Variants in PCDH15 observed in about 807,000 individuals in gnomAD.
PCDH15 encodes protocadherin related 15.
A neutral mutation model predicts 178.5 loss-of-function variants in PCDH15; 129 were observed. The ratio of observed to expected loss-of-function variants is 0.72; its 90% CI spans 0.63 to 0.84. The LOEUF is 0.84. PCDH15 is among the 40% of genes least tolerant of loss of function. The pLI is 0.00. For synonymous variants in PCDH15, 800 were observed against 732.0 expected (o/e 1.09, Z -1.50); for missense variants, 2,230 against 2,099.9 (o/e 1.06, Z -1.21).
At chr10:55,296,974 T>C (rs1843147951) in intron 1 of PCDH15, among the ~76,000 whole-genome samples, 1 of 152,108 alleles carries the variant, frequency 6.6e-6, no homozygotes, top group Non-Finnish European at 1.5e-5. Flanking sequence ...GGGATGTACT[T>C]TACTTTTAAA....
At chr10:55,343,244 T>A (rs1486086099) in intron 2 of PCDH15, among the ~76,000 whole-genome samples, 2 of 152,160 alleles carry the variant, frequency 1.3e-5, no homozygotes, top group African/African-American at 4.8e-5. Flanking sequence ...AAAGATGTTT[T>A]CAGTTGTGTC....
intron 3 of PCDH15, among the ~76,000 whole-genome samples, chr10:54,402,577 T>C (rs1952068481): frequency 6.6e-6 from 1 of 152,056 alleles, no homozygotes. Context: ...AGCCATTTTT[T>C]CCATGTGCTC....
chr10:54,262,297 C>T (rs554647441), intron 8 of PCDH15, among the ~76,000 whole-genome samples: 84 of 152,174 alleles, frequency 5.5e-4, no homozygotes, highest in African/African-American at 1.8e-3. Flanking sequence ...GGGAGTGAAC[C>T]GTGCCTGGCC....
intron 23 of PCDH15, among the ~76,000 whole-genome samples, chr10:53,948,076 T>G (rs1435666306): frequency 1.3e-5 from 2 of 152,112 alleles, no homozygotes; most frequent in Admixed American, 1.3e-4. Flanking sequence ...TGACTTTCGG[T>G]TTTTTACTTT....
intron 2 of PCDH15, among the ~76,000 whole-genome samples, chr10:55,461,363 A>C (rs1480881863): frequency 1.3e-5 from 2 of 152,198 alleles, no homozygotes; most frequent in African/African-American, 4.8e-5. Context: ...ACACTATTTT[A>C]GCCAGGATGG....
intron 32 of PCDH15, among the ~76,000 whole-genome samples, chr10:53,826,855 A>G (rs934570796): frequency 6.6e-6 from 1 of 152,096 alleles, no homozygotes; most frequent in Non-Finnish European, 1.5e-5. Context: ...CTGTAATTTC[A>G]TTGAGATTTT....
At chr10:54,926,320 T>G (rs1837624883) in intron 2 of PCDH15, among the ~76,000 whole-genome samples, 1 of 152,110 alleles carries the variant, frequency 6.6e-6, no homozygotes, top group African/African-American at 2.4e-5. Flanking sequence ...GTGGATAAGC[T>G]TTTTGATGTG....
chr10:54,427,160 T>C (rs1337584279), intron 3 of PCDH15, among the ~76,000 whole-genome samples: 2 of 151,570 alleles, frequency 1.3e-5, no homozygotes, highest in African/African-American at 4.8e-5. Context: ...TCTAGTATAC[T>C]CCACAGCTAT....
intron 2 of PCDH15, among the ~76,000 whole-genome samples, chr10:54,934,800 T>C (rs1362180591): frequency 6.6e-6 from 1 of 151,780 alleles, no homozygotes; most frequent in African/African-American, 2.4e-5. Context: ...TGCGGCACTA[T>C]TCACAATAGC....
intron 3 of PCDH15, among the ~76,000 whole-genome samples, chr10:54,458,112 GCTTTT>G (rs1031793677): frequency 4.4e-4 from 67 of 152,022 alleles, no homozygotes; most frequent in African/African-American, 1.5e-3. Flanking sequence ...CTTTCCATAT[GCTTTT>G]CTTTTATTAA....
chr10:54,714,438 G>A (rs1305469005), intron 1 of PCDH15, among the ~76,000 whole-genome samples: 1 of 152,152 alleles, frequency 6.6e-6, no homozygotes, highest in African/African-American at 2.4e-5. Flanking sequence ...CATATGTACA[G>A]TTTAAGCTTC....
At chr10:55,186,268 T>C (rs1359377478) in intron 1 of PCDH15, among the ~76,000 whole-genome samples, 2 of 151,572 alleles carry the variant, frequency 1.3e-5, no homozygotes, top group African/African-American at 4.8e-5. Context: ...TTCCACTCTA[T>C]GTTTTTTATT....
At chr10:54,583,949 T>A (rs2091257590) in intron 2 of PCDH15, among the ~76,000 whole-genome samples, 2 of 152,124 alleles carry the variant, frequency 1.3e-5, no homozygotes, top group Admixed American at 1.3e-4. Context: ...AATAGAAAAA[T>A]ATTTGATCTA....
intron 2 of PCDH15, among the ~76,000 whole-genome samples, chr10:54,963,915 G>A (rs1474697198): frequency 6.6e-6 from 1 of 152,284 alleles, no homozygotes; most frequent in East Asian, 1.9e-4. Context: ...CTACAGCTGA[G>A]ACAATGGTGA....
intron 2 of PCDH15, among the ~76,000 whole-genome samples, chr10:55,590,846 A>G (rs1188000120): frequency 6.6e-6 from 1 of 152,136 alleles, no homozygotes; most frequent in East Asian, 1.9e-4. Flanking sequence ...CTGCACTCCT[A>G]GTAAGAGGTT....
chr10:54,369,498 CACAGTTA>C (rs1947325260), intron 4 of PCDH15, among the ~76,000 whole-genome samples: 1 of 151,876 alleles, frequency 6.6e-6, no homozygotes, highest in African/African-American at 2.4e-5. Context: ...GCATTATGCT[CACAGTTA>C]GTGGATGGCT....
intron 2 of PCDH15, among the ~76,000 whole-genome samples, chr10:55,358,976 G>C (rs1010215413): frequency 6.6e-6 from 1 of 152,028 alleles, no homozygotes; most frequent in Non-Finnish European, 1.5e-5. Context: ...AAGATCTTTC[G>C]AGGCCAGGAC....
chr10:53,960,112 A>C (rs2088137005), intron 22 of PCDH15, among the ~76,000 whole-genome samples: 1 of 152,208 alleles, frequency 6.6e-6, no homozygotes, highest in African/African-American at 2.4e-5. Context: ...CTATGATTAA[A>C]AAACAACTAC....
intron 2 of PCDH15, among the ~76,000 whole-genome samples, chr10:55,155,284 A>G (rs1838851676): frequency 6.6e-6 from 1 of 151,948 alleles, no homozygotes; most frequent in Non-Finnish European, 1.5e-5. Flanking sequence ...TTACTTTCTT[A>G]TTGTTGTTTC....
Sources: allele counts gnomAD v4.1 joint callset (sites outside exome capture counted in the v4.1 genomes callset), GRCh38; gene constraint gnomAD v4.1.1; transcripts MANE v1.5; gene names NCBI Gene and HGNC (gene_info 2026-07-23, HGNC 2026-07-21).